The following WIPF1 variants were observed in gnomAD, a reference collection of about 807,000 sequenced individuals.
WIPF1 encodes WAS/WASL-interacting protein family member 1.
Under a neutral mutation model 35.4 loss-of-function variants are expected in WIPF1, and 13 were observed. The observed-to-expected ratio is 0.37, with a 90% CI of 0.24 to 0.58. The LOEUF is 0.58. Ranked by LOEUF, WIPF1 falls within the 20% of genes least tolerant of loss-of-function variation. The pLI is 0.74. For missense variants in WIPF1, 591 were observed against 667.0 expected, an observed-to-expected ratio of 0.89 and a Z score of 1.25; for synonymous variants, 267 against 266.3, an observed-to-expected ratio of 1.00 and a Z score of -0.02.
chr2:174,674,903 T>TACACACAC lies in WIPF1; in HGVS notation c.-39+7863_-39+7870dup, dbSNP rs35062209. On this transcript the variant is annotated intron_variant, in intron 1 of 8. Transcript: ENST00000272746. The stretch of plus-strand genomic sequence containing the variant: ...GCTTCTGTAAGTTGGCAGGTTCAAA[T>TACACACAC]ACACACACACACACACACACACACA... Among the ~76,000 whole-genome samples, 98 of 134,022 alleles carry TACACACAC rather than the reference T, an allele frequency of 7.3e-4. 1 individual carries two copies. The highest frequency in any genetic ancestry group is 1.2e-3 in the South Asian group (5 of 4,016). The allele number at this position is 134,022 out of a possible 152,430, so 87.9% of individuals were successfully genotyped here.
Position 174,641,466 on chromosome 2 carries a change from C to G in WIPF1, c.-39+41308G>C, listed in dbSNP as rs574540329. ...CACAGTGGCAGGACTGACCAGGAGT[C>G]CCCTCTCTGTGGCCAGGATTTTCTC... On this transcript the variant is annotated intron_variant, in intron 1 of 8. Coordinates refer to the WIPF1 transcript ENST00000272746. Among the ~76,000 whole-genome samples, 7 of 152,324 alleles carry G rather than the reference C, an allele frequency of 4.6e-5. No individual in the cohort carries two copies. In the South Asian group the frequency reaches 1.5e-3, roughly 32 times the overall value.
chr2:174,568,476 A>AT, intron 5 of WIPF1: 1 of 159,226 alleles, frequency 6.3e-6, no homozygotes, highest in Non-Finnish European at 1.4e-5. Context: ...TAAGATAGTT[A>AT]TGAAATTATT....
chr2:174,670,317 G>T (rs1051313522), intron 1 of WIPF1, among the ~76,000 whole-genome samples: 1 of 152,168 alleles, frequency 6.6e-6, no homozygotes, highest in African/African-American at 2.4e-5. Flanking sequence ...CTCCCTGTCT[G>T]TGTTGCTAGG....
intron 1 of WIPF1, among the ~76,000 whole-genome samples, chr2:174,674,566 T>C (rs1049160087): frequency 6.6e-6 from 1 of 152,196 alleles, no homozygotes; most frequent in Non-Finnish European, 1.5e-5. Context: ...GCCATGAACT[T>C]TTCTTTTTCA....
At chr2:174,631,176 T>G (rs1207037692) in intron 1 of WIPF1, among the ~76,000 whole-genome samples, 1 of 152,162 alleles carries the variant, frequency 6.6e-6, no homozygotes, top group African/African-American at 2.4e-5. Context: ...CCCACGTTCA[T>G]AGCAGCATTA....
At chr2:174,672,559 C>T (rs529433224) in intron 1 of WIPF1, among the ~76,000 whole-genome samples, 3 of 152,346 alleles carry the variant, frequency 2.0e-5, no homozygotes, top group Non-Finnish European at 2.9e-5. Context: ...TGGATATATA[C>T]ATCTTTCCCT....
intron 7 of WIPF1, chr2:174,566,056 G>C (rs1229741575): frequency 6.6e-6 from 1 of 151,144 alleles, no homozygotes; most frequent in African/African-American, 2.4e-5. Context: ...GCTAATTTTT[G>C]TATTTTTATA....
At chr2:174,631,161 G>C (rs1687008070) in intron 1 of WIPF1, among the ~76,000 whole-genome samples, 1 of 152,130 alleles carries the variant, frequency 6.6e-6, no homozygotes, top group African/African-American at 2.4e-5. Context: ...AAAGATATGT[G>C]CAAACCCACG....
intron 1 of WIPF1, among the ~76,000 whole-genome samples, chr2:174,644,711 C>T (rs1262998163): frequency 3.3e-5 from 5 of 151,940 alleles, no homozygotes; most frequent in Non-Finnish European, 5.9e-5. Flanking sequence ...GGTGATGTCA[C>T]GAAAAATGTA....
chr2:174,671,914 T>A (rs1688027469), intron 1 of WIPF1, among the ~76,000 whole-genome samples: 1 of 152,206 alleles, frequency 6.6e-6, no homozygotes, highest in Non-Finnish European at 1.5e-5. Context: ...TGCCTCCATT[T>A]GCCCTGTAAT....
chr2:174,571,643 T>A lies in WIPF1; in HGVS notation c.1129+33A>T. On this transcript the variant is annotated intron_variant, in intron 5 of 7. Coordinates refer to ENST00000679041, the MANE Select transcript of WIPF1 (RefSeq NM_001375834.1). This position sits in a 1 kb window ranked among gnomAD's most constrained non-coding sequence, Gnocchi z 4.6. ...ATTGGTACATTTGGGCAGGCTGGGT[T>A]TTGGAAGCAACTCACTCCACGTCTT... 1 of 1,614,034 alleles carries A rather than the reference T, an allele frequency of 6.2e-7. No individual in the cohort carries two copies. The highest frequency in any genetic ancestry group is 8.5e-7 in the Non-Finnish European group (1 of 1,180,014).
At chr2:174,667,972 G>C (rs1232747466) in intron 1 of WIPF1, among the ~76,000 whole-genome samples, 1 of 152,074 alleles carries the variant, frequency 6.6e-6, no homozygotes, top group Non-Finnish European at 1.5e-5. Flanking sequence ...CAGAAGGCAG[G>C]GGCTGTGCAG....
At chr2:174,617,585 G>C (rs1314517932) in intron 1 of WIPF1, among the ~76,000 whole-genome samples, 1 of 152,190 alleles carries the variant, frequency 6.6e-6, no homozygotes, top group African/African-American at 2.4e-5. Context: ...GACTTCCAGG[G>C]AGTGAAATGT....
chr2:174,627,048 C>T (rs751875956), intron 1 of WIPF1, among the ~76,000 whole-genome samples: 4 of 152,166 alleles, frequency 2.6e-5, no homozygotes, highest in African/African-American at 4.8e-5. Flanking sequence ...TCCGCTTCTG[C>T]GTCCTCAGGC....
chr2:174,580,141 G>A (rs903907416), intron 3 of WIPF1, among the ~76,000 whole-genome samples: 1 of 151,950 alleles, frequency 6.6e-6, no homozygotes, highest in African/African-American at 2.4e-5. Flanking sequence ...AGTAGAGATG[G>A]GGTTTTACAA....
chr2:174,657,933 AAG>A (rs1246002772), intron 1 of WIPF1, among the ~76,000 whole-genome samples: 1 of 134,264 alleles, frequency 7.4e-6, no homozygotes, highest in Non-Finnish European at 1.6e-5. Context: ...AAAAAAAAAA[AAG>A]AGAGAGAGAA....
intron 1 of WIPF1, among the ~76,000 whole-genome samples, chr2:174,681,682 G>A (rs949494291): frequency 2.0e-4 from 30 of 152,282 alleles, no homozygotes; most frequent in Non-Finnish European, 3.2e-4. Flanking sequence ...AGGGATGGGG[G>A]AATGGGAGTG....
chr2:174,657,933 AAGAG>A (rs1246002772), intron 1 of WIPF1, among the ~76,000 whole-genome samples: 2 of 134,264 alleles, frequency 1.5e-5, no homozygotes, highest in Non-Finnish European at 3.3e-5. Context: ...AAAAAAAAAA[AAGAG>A]AGAGAGAAAT....
chr2:174,586,248 A>G (rs1471441534), intron 1 of WIPF1, among the ~76,000 whole-genome samples: 1 of 152,140 alleles, frequency 6.6e-6, no homozygotes, highest in East Asian at 1.9e-4. Flanking sequence ...AGCCATCCCT[A>G]TCTCTGTGCT....
Sources: gnomAD v4.1 joint callset for allele counts (sites outside exome capture counted in the v4.1 genomes callset) on GRCh38, gnomAD v4.1.1 for gene constraint, Gnocchi (gnomAD v3.1) non-coding constraint, MANE v1.5 for transcripts, NCBI Gene and HGNC (gene_info 2026-07-23, HGNC 2026-07-21) for gene names.